Variants in SPATS2 observed in about 807,000 individuals in gnomAD.
The protein encoded by SPATS2 is spermatogenesis associated serine rich 2, also known as spermatogenesis-associated serine-rich protein 2.
SPATS2 carries 38 observed loss-of-function variants against 63.7 expected under a neutral mutation model. The observed-to-expected ratio is 0.60, with a 90% CI of 0.46 to 0.78. The LOEUF is 0.78. Ranked by LOEUF, SPATS2 falls within the 30% of genes least tolerant of loss-of-function variation. The pLI, the probability that SPATS2 is intolerant of heterozygous loss-of-function variation, is 0.00. For missense variants in SPATS2, 588 were observed against 666.2 expected, an observed-to-expected ratio of 0.88 and a Z score of 1.29; for synonymous variants, 207 against 232.9, an observed-to-expected ratio of 0.89 and a Z score of 1.01.
chr12:49,412,946 G>A (rs1944823593), intron 2 of SPATS2, among the ~76,000 whole-genome samples: 1 of 152,142 alleles, frequency 6.6e-6, no homozygotes, highest in African/African-American at 2.4e-5. Flanking sequence ...GCTGGGGAAA[G>A]AAGAAGGAAC....
At chr12:49,469,558 A>G (rs528465885) in intron 3 of SPATS2, 185 of 431,758 alleles carry the variant, frequency 4.3e-4, no homozygotes, top group East Asian at 3.4e-3. Flanking sequence ...AAAAAAAAAA[A>G]AAAAAAGAAA....
At chr12:49,408,278 C>T (rs138586135) in intron 2 of SPATS2, among the ~76,000 whole-genome samples, 1 of 145,880 alleles carries the variant, frequency 6.9e-6, no homozygotes, top group East Asian at 2.0e-4. Context: ...TTGAGACAGA[C>T]TCTCACTCTT....
chr12:49,489,160 T>C (rs908820161), intron 4 of SPATS2, among the ~76,000 whole-genome samples: 1 of 152,244 alleles, frequency 6.6e-6, no homozygotes, highest in Non-Finnish European at 1.5e-5. Flanking sequence ...TGAGGGAATA[T>C]TGATGCCACA....
chr12:49,445,434 G>A (rs1186206022), intron 2 of SPATS2, among the ~76,000 whole-genome samples: 3 of 152,092 alleles, frequency 2.0e-5, no homozygotes, highest in Non-Finnish European at 2.9e-5. Context: ...CCTGGAATAA[G>A]TCCCACTTGG....
chr12:49,381,798 G>A (rs1592343557), intron 2 of SPATS2, among the ~76,000 whole-genome samples: 1 of 152,194 alleles, frequency 6.6e-6, no homozygotes, highest in East Asian at 1.9e-4. Context: ...AGATAGATGA[G>A]AATAGGTGAT....
intron 2 of SPATS2, among the ~76,000 whole-genome samples, chr12:49,454,668 G>A (rs1274614087): frequency 2.6e-5 from 4 of 152,020 alleles, no homozygotes; most frequent in South Asian, 2.1e-4. Context: ...GGATTGCTTC[G>A]GCCTAGGAGT....
intron 2 of SPATS2, among the ~76,000 whole-genome samples, chr12:49,446,015 T>C (rs1945504420): frequency 6.6e-6 from 1 of 151,998 alleles, no homozygotes; most frequent in South Asian, 2.1e-4. Context: ...AGTGATTTTT[T>C]GCCTCAGCCT....
intron 2 of SPATS2, among the ~76,000 whole-genome samples, chr12:49,394,320 C>T (rs1162544458): frequency 1.6e-5 from 2 of 125,734 alleles, no homozygotes; most frequent in African/African-American, 6.3e-5. Flanking sequence ...GTCTGGGGAA[C>T]AGAGCAAGAC....
intron 2 of SPATS2, among the ~76,000 whole-genome samples, chr12:49,456,776 A>G (rs902390827): frequency 3.3e-5 from 5 of 152,122 alleles, no homozygotes; most frequent in African/African-American, 9.7e-5. Context: ...ATTTAAAGGG[A>G]AATTTCCTGT....
intron 11 of SPATS2, among the ~76,000 whole-genome samples, chr12:49,519,496 G>A (rs1293415277): frequency 6.6e-6 from 1 of 152,056 alleles, no homozygotes; most frequent in Admixed American, 6.5e-5. Context: ...ACCATCTCTT[G>A]CCTGGACTTC....
At chr12:49,389,821 G>A (rs1944388894) in intron 2 of SPATS2, 1 of 937,430 alleles carries the variant, frequency 1.1e-6, no homozygotes, top group Admixed American at 1.7e-5. Context: ...CTTACGATGA[G>A]CAAGTATCGA....
intron 2 of SPATS2, among the ~76,000 whole-genome samples, chr12:49,411,515 C>T (rs1344916053): frequency 3.3e-5 from 5 of 152,138 alleles, no homozygotes; most frequent in Admixed American, 6.5e-5. Flanking sequence ...TAGTTTTCTT[C>T]ATAGAGTAGA....
chr12:49,438,859 G>C (rs1945364814), intron 2 of SPATS2, among the ~76,000 whole-genome samples: 1 of 152,142 alleles, frequency 6.6e-6, no homozygotes, highest in Non-Finnish European at 1.5e-5. Flanking sequence ...GCCCGGTATA[G>C]TTCTAGGCCT....
chr12:49,525,915 C>A (rs1433815005), intron 13 of SPATS2, 29 bp from the exon 14 acceptor site: 4 of 1,603,084 alleles, frequency 2.5e-6, no homozygotes, highest in Non-Finnish European at 3.4e-6. Flanking sequence ...TGCTAGAGCA[C>A]CTTGAACATT....
chr12:49,469,577 T>C (rs531773218), intron 3 of SPATS2: 6,429 of 365,726 alleles, frequency 0.018, 91 homozygotes, highest in Middle Eastern at 0.037. Flanking sequence ...AAAAACAAAG[T>C]AAAATAAAAC....
chr12:49,512,972 A>G (rs1946776487), intron 9 of SPATS2: 2 of 1,233,034 alleles, frequency 1.6e-6, no homozygotes, highest in Non-Finnish European at 2.1e-6. Flanking sequence ...CTCCAGTTTG[A>G]TGCTTTTGGA....
intron 2 of SPATS2, among the ~76,000 whole-genome samples, chr12:49,401,066 A>G (rs1042903774): frequency 1.3e-5 from 2 of 151,854 alleles, no homozygotes; most frequent in Non-Finnish European, 2.9e-5. Flanking sequence ...TTGTAGAGAC[A>G]AAGTCTTACT....
intron 1 of SPATS2, among the ~76,000 whole-genome samples, chr12:49,368,741 G>A (rs1943947293): frequency 6.6e-6 from 1 of 152,108 alleles, no homozygotes; most frequent in African/African-American, 2.4e-5. Flanking sequence ...CCAAATTTGT[G>A]ATTGTACTAG....
At chr12:49,498,714 G>T (rs1946509735) in intron 8 of SPATS2, among the ~76,000 whole-genome samples, 2 of 150,804 alleles carry the variant, frequency 1.3e-5, no homozygotes, top group Non-Finnish European at 1.5e-5. Context: ...GTTCAACTGG[G>T]GTCTTTTAAG....
Sources: allele counts gnomAD v4.1 joint callset (sites outside exome capture counted in the v4.1 genomes callset), GRCh38; gene constraint gnomAD v4.1.1; transcripts MANE v1.5; gene names NCBI Gene and HGNC (gene_info 2026-07-23, HGNC 2026-07-21).